FADS2: variants seen among roughly 807,000 people sequenced by gnomAD.
FADS2 encodes acyl-CoA 6-desaturase.
FADS2 carries 18 observed loss-of-function variants against 61.2 expected under a neutral mutation model. The ratio of observed to expected loss-of-function variants is 0.29; its 90% CI spans 0.20 to 0.44. The LOEUF (loss-of-function observed/expected upper bound fraction) is 0.44. FADS2 is among the 20% of genes least tolerant of loss of function. The probability of loss-of-function intolerance (pLI) is 1.00; values close to 1 mark genes in which losing one functional copy is unlikely to be tolerated. For synonymous variants in FADS2, 203 were observed against 223.9 expected (o/e 0.91, Z 0.83); for missense variants, 322 against 572.7 (o/e 0.56, Z 4.47).
intron 5 of FADS2, among the ~76,000 whole-genome samples, chr11:61,852,042 G>A (rs1453380883): frequency 1.3e-5 from 2 of 152,088 alleles, no homozygotes; most frequent in East Asian, 1.9e-4. Flanking sequence ...CTCCAGAGTC[G>A]GCCAGTTTTC....
intron 8 of FADS2, 29 bp from the exon 9 acceptor site, chr11:61,863,253 C>A: frequency 6.3e-7 from 1 of 1,575,376 alleles, no homozygotes; most frequent in Non-Finnish European, 8.7e-7. Context: ...CCCCCGGAGG[C>A]CCCTGCGCTG....
Position 61,828,719 on chromosome 11 carries a change from G to A in FADS2, c.207+122G>A. On this transcript the variant is annotated intron_variant, in intron 1 of 11. Transcript: ENST00000278840. The surrounding 1 kb of genome is among the most constrained non-coding windows in gnomAD (Gnocchi z 6.4). ...GGAGCTTGGGACGTCCTGTAGGGAA[G>A]GAAAGTGCATCTATTGCACTCGTAC... 2 of 825,628 alleles carry A rather than the reference G, an allele frequency of 2.4e-6. No homozygotes were observed. Among genetic ancestry groups the A allele is most frequent in the Non-Finnish European group, 3.8e-6 (2 of 522,154 alleles). The allele number at this position is 825,628 out of a possible 1,614,324, so 51.1% of individuals were successfully genotyped here. A position where few individuals can be genotyped will look rare whatever the true frequency, so the allele number is the denominator to read the frequency against.
intron 1 of FADS2, among the ~76,000 whole-genome samples, chr11:61,820,718 G>A (rs1448727931): frequency 1.3e-5 from 2 of 152,106 alleles, no homozygotes; most frequent in African/African-American, 2.4e-5. Context: ...TGGCCAACAC[G>A]GTGAAACCCT....
At chr11:61,837,751 G>C in intron 1 of FADS2, 27 bp from the exon 2 acceptor site, 1 of 1,513,548 alleles carries the variant, frequency 6.6e-7, no homozygotes, top group East Asian at 2.3e-5. Flanking sequence ...TCAGGTCTTA[G>C]CCTCATCACT....
intron 1 of FADS2, chr11:61,821,397 C>T: frequency 2.8e-6 from 2 of 702,096 alleles, no homozygotes; most frequent in East Asian, 2.7e-5. Flanking sequence ...AAAAAAAAGA[C>T]CTTAATGCCG....
intron 4 of FADS2, 195 bp from the exon 5 acceptor site, chr11:61,847,964 G>A: frequency 1.7e-6 from 1 of 596,314 alleles, no homozygotes. Context: ...GAGATAAAGT[G>A]ACTTCACTCC....
intron 7 of FADS2, among the ~76,000 whole-genome samples, chr11:61,858,251 C>A (rs1164195193): frequency 6.6e-6 from 1 of 151,768 alleles, no homozygotes; most frequent in Non-Finnish European, 1.5e-5. Flanking sequence ...GATCTCGACT[C>A]AACTGCAACC....
upstream of FADS2, chr11:61,827,902 C>A: frequency 2.3e-6 from 1 of 433,074 alleles, no homozygotes; most frequent in Non-Finnish European, 3.1e-6. This position sits in a 1 kb window ranked among gnomAD's most constrained non-coding sequence, Gnocchi z 4.5. Flanking sequence ...GCCGGGGACC[C>A]GCCGCTCCAG....
chr11:61,844,352 C>T (rs1175045989), intron 4 of FADS2, among the ~76,000 whole-genome samples: 1 of 151,674 alleles, frequency 6.6e-6, no homozygotes, highest in African/African-American at 2.4e-5. Flanking sequence ...AGGTAGATCA[C>T]TTAAGGTCAG....
Position 61,828,750 on chromosome 11 carries a change from C to T in FADS2, c.207+153C>T. ...TGCATCTATTGCACTCGTACCCCCT[C>T]CCCAATCCTCCTCCTCCTCTGGGCC... is the stretch of plus-strand genomic sequence containing the variant. On this transcript the variant is annotated intron_variant, in intron 1 of 11. Transcript: ENST00000278840. The surrounding 1 kb of genome is among the most constrained non-coding windows in gnomAD (Gnocchi z 6.4). 3.1e-6 allele frequency: 2 copies of T among 655,160 alleles called. No individual in the cohort carries two copies. The highest frequency in any genetic ancestry group is 2.8e-5 in the East Asian group (1 of 35,574). The allele number at this position is 655,160 out of a possible 1,614,324, so 40.6% of individuals were successfully genotyped here.
upstream of FADS2, among the ~76,000 whole-genome samples, chr11:61,824,502 G>GAAAGGAAA (rs140558358): frequency 9.2e-5 from 2 of 21,688 alleles, 1 homozygote; most frequent in Non-Finnish European, 1.9e-4. Context: ...AAGAAAGAAA[G>GAAAGGAAA]GAAAGAAAGA....
chr11:61,865,957 G>A lies in FADS2; in HGVS notation c.*268G>A, dbSNP rs564965904. On this transcript the variant is annotated 3_prime_UTR_variant, in exon 12 of 12. Coordinates refer to ENST00000278840, the MANE Select transcript of FADS2 (RefSeq NM_004265.4). This position sits in a 1 kb window ranked among gnomAD's most constrained non-coding sequence, Gnocchi z 4.1. Reference sequence around the variant, plus strand: ...TCCTAGCCCCTTCTTCCAAGGAGCAGAGAGGTGGCCACCGGGGGTGGCTCT... The same window carrying A: ...TCCTAGCCCCTTCTTCCAAGGAGCAAAGAGGTGGCCACCGGGGGTGGCTCT... 7.8e-5 allele frequency: 40 copies of A among 516,110 alleles called. No individual in the cohort carries two copies. Among genetic ancestry groups the A allele is most frequent in the Non-Finnish European group, 1.2e-4 (34 of 289,232 alleles). 32.0% of individuals were successfully genotyped at this position (516,110 alleles called of 1,614,324 possible).
chr11:61,861,222 C>T (rs373497139), intron 7 of FADS2, among the ~76,000 whole-genome samples: 6 of 151,212 alleles, frequency 4.0e-5, no homozygotes, highest in South Asian at 2.1e-4. Flanking sequence ...GGCGTGGTGG[C>T]GGGCACCTGT....
At chr11:61,853,833 G>A (rs985037254) in intron 5 of FADS2, among the ~76,000 whole-genome samples, 8 of 152,074 alleles carry the variant, frequency 5.3e-5, no homozygotes, top group African/African-American at 1.4e-4. Context: ...TGGGCTTTGC[G>A]ACAGCTCCCC....
At chr11:61,820,179 A>G (rs898730599) in intron 1 of FADS2, among the ~76,000 whole-genome samples, 1 of 152,124 alleles carries the variant, frequency 6.6e-6, no homozygotes, top group Non-Finnish European at 1.5e-5. Context: ...TACCACTTGT[A>G]AGATAATTCC....
At chr11:61,837,720 G>A in intron 1 of FADS2, 58 bp from the exon 2 acceptor site, 1 of 1,232,868 alleles carries the variant, frequency 8.1e-7, no homozygotes, top group Non-Finnish European at 1.2e-6. Context: ...GTCCTCCTTG[G>A]GGCCCAAGAG....
At chr11:61,833,988 A>C (rs1300424580) in intron 1 of FADS2, among the ~76,000 whole-genome samples, 1 of 152,214 alleles carries the variant, frequency 6.6e-6, no homozygotes, top group African/African-American at 2.4e-5. Context: ...CGGGGGACGC[A>C]GGCCATAAAC....
chr11:61,841,009 C>T (rs546451674), intron 4 of FADS2, among the ~76,000 whole-genome samples: 1 of 151,948 alleles, frequency 6.6e-6, no homozygotes, highest in East Asian at 1.9e-4. Context: ...TAGCTAAGGA[C>T]TCATCTAACA....
intron 4 of FADS2, among the ~76,000 whole-genome samples, chr11:61,846,421 TTTC>T (rs1565332268): frequency 7.3e-6 from 1 of 136,224 alleles, no homozygotes; most frequent in African/African-American, 2.8e-5. Context: ...TTTTTTTTTT[TTTC>T]TCTCTCTCTC....
Sources: allele counts gnomAD v4.1 joint callset (sites outside exome capture counted in the v4.1 genomes callset), GRCh38; gene constraint gnomAD v4.1.1; non-coding constraint Gnocchi (gnomAD v3.1); transcripts MANE v1.5; gene names NCBI Gene and HGNC (gene_info 2026-07-23, HGNC 2026-07-21).